The following NRXN1 variants were observed in gnomAD, a reference collection of about 807,000 sequenced individuals.
NRXN1 encodes the protein neurexin 1.
Under a neutral mutation model 150.9 loss-of-function variants are expected in NRXN1, and 39 were observed. The ratio of observed to expected loss-of-function variants is 0.26; its 90% CI spans 0.20 to 0.34. The LOEUF is 0.34. Ranked by LOEUF, NRXN1 falls within the 10% of genes least tolerant of loss-of-function variation. NRXN1 has a pLI of 1.00. For missense variants in NRXN1, 1,815 were observed against 1,949.9 expected (o/e 0.93, Z 1.30); for synonymous variants, 924 against 757.0 (o/e 1.22, Z -3.62).
At chr2:50,507,515 T>C (rs1320499726) in intron 12 of NRXN1, among the ~76,000 whole-genome samples, 1 of 151,646 alleles carries the variant, frequency 6.6e-6, no homozygotes. Flanking sequence ...AAGTAACTGC[T>C]AGTGAATCTA....
intron 19 of NRXN1, among the ~76,000 whole-genome samples, chr2:50,077,040 C>T (rs1320558021): frequency 2.6e-5 from 4 of 152,108 alleles, no homozygotes; most frequent in East Asian, 1.9e-4. Context: ...ATGGTGTTGG[C>T]AAGTAAATGA....
intron 12 of NRXN1, among the ~76,000 whole-genome samples, chr2:50,511,685 A>G (rs2092457700): frequency 6.6e-6 from 1 of 152,146 alleles, no homozygotes; most frequent in Non-Finnish European, 1.5e-5. Context: ...AACTCCTAAG[A>G]AGGGCTGGAG....
intron 17 of NRXN1, among the ~76,000 whole-genome samples, chr2:50,461,183 C>G (rs1558771182): frequency 2.6e-5 from 4 of 151,928 alleles, no homozygotes; most frequent in Admixed American, 2.6e-4. Flanking sequence ...ATCCTCATTT[C>G]AGCGAATGTT....
intron 19 of NRXN1, among the ~76,000 whole-genome samples, chr2:50,063,104 A>C (rs1573685862): frequency 6.6e-6 from 1 of 152,306 alleles, no homozygotes; most frequent in East Asian, 1.9e-4. Context: ...GCAAAGTAAT[A>C]GTTTTGTAAA....
chr2:50,395,413 A>C (rs986768566), intron 17 of NRXN1, among the ~76,000 whole-genome samples: 6 of 151,572 alleles, frequency 4.0e-5, no homozygotes, highest in Admixed American at 3.9e-4. Context: ...AGACATTATA[A>C]AAAAGAATTT....
intron 21 of NRXN1, among the ~76,000 whole-genome samples, chr2:50,018,508 G>A (rs1687004819): frequency 1.3e-5 from 2 of 152,106 alleles, no homozygotes; most frequent in Non-Finnish European, 2.9e-5. Flanking sequence ...TGTGACTTCA[G>A]CATTTCATTA....
At chr2:50,662,932 G>A (rs1010397265) in intron 5 of NRXN1, among the ~76,000 whole-genome samples, 1 of 151,960 alleles carries the variant, frequency 6.6e-6, no homozygotes, top group Non-Finnish European at 1.5e-5. Flanking sequence ...TCTACCCCCA[G>A]TGATTCTCAT....
intron 17 of NRXN1, among the ~76,000 whole-genome samples, chr2:50,454,262 G>A (rs1221518178): frequency 2.0e-5 from 3 of 152,152 alleles, no homozygotes; most frequent in Non-Finnish European, 2.9e-5. Flanking sequence ...GGAGGCAGAG[G>A]TTGTGGTGAG....
chr2:50,445,676 C>A (rs563363759), intron 17 of NRXN1, among the ~76,000 whole-genome samples: 28 of 152,230 alleles, frequency 1.8e-4, no homozygotes, highest in African/African-American at 6.7e-4. Flanking sequence ...GAAATAATTG[C>A]CACAATGTAG....
At chr2:50,034,428 T>C (rs1689688693) in intron 21 of NRXN1, among the ~76,000 whole-genome samples, 3 of 151,752 alleles carry the variant, frequency 2.0e-5, no homozygotes, top group Admixed American at 6.6e-5. Flanking sequence ...CACTTATAAG[T>C]GGGGGCTAAA....
chr2:50,240,390 A>T (rs1028769597), intron 17 of NRXN1, among the ~76,000 whole-genome samples: 4 of 151,770 alleles, frequency 2.6e-5, no homozygotes, highest in African/African-American at 9.7e-5. Context: ...GTCCTTCCTC[A>T]GCTCTCTTCT....
Position 50,552,570 on chromosome 2 carries a change from A to T in NRXN1, c.1759+17T>A, listed in dbSNP as rs761579317. The T allele has an allele frequency of 1.3e-6, 2 of 1,595,658 alleles. No individual in the cohort carries two copies. Among genetic ancestry groups the T allele is most frequent in the South Asian group, 1.1e-5 (1 of 90,392 alleles). The stretch of plus-strand genomic sequence containing the variant: ...GTGCTCCAGCAGATAAACAGCATAG[A>T]AAAATGATAAGATTACCTGACCGTC... On this transcript the variant is annotated intron_variant, in intron 9 of 22. Transcript: ENST00000401669.
intron 5 of NRXN1, among the ~76,000 whole-genome samples, chr2:50,820,673 T>C (rs766670078): frequency 1.1e-4 from 16 of 152,134 alleles, no homozygotes; most frequent in Non-Finnish European, 1.6e-4. Flanking sequence ...CAGCAGTACC[T>C]AAAGTTTCCC....
At chr2:50,675,691 T>C (rs1689451265) in intron 5 of NRXN1, among the ~76,000 whole-genome samples, 1 of 152,174 alleles carries the variant, frequency 6.6e-6, no homozygotes, top group Non-Finnish European at 1.5e-5. Context: ...TCCAGTTTAC[T>C]GTTAACATGG....
At chr2:50,469,528 A>G (rs1005205835) in intron 16 of NRXN1, among the ~76,000 whole-genome samples, 1 of 151,444 alleles carries the variant, frequency 6.6e-6, no homozygotes, top group Non-Finnish European at 1.5e-5. Context: ...TGTGGTTTGG[A>G]CTCAAATTCC....
At chr2:50,612,530 T>C (rs1678350536) in intron 8 of NRXN1, among the ~76,000 whole-genome samples, 1 of 152,236 alleles carries the variant, frequency 6.6e-6, no homozygotes, top group African/African-American at 2.4e-5. Context: ...GGTAACTCAC[T>C]GGATGTTGTT....
At chr2:50,799,461 C>T (rs185410828) in intron 5 of NRXN1, among the ~76,000 whole-genome samples, 1 of 152,226 alleles carries the variant, frequency 6.6e-6, no homozygotes, top group Admixed American at 6.5e-5. Context: ...CTGAGGTGGG[C>T]TGGGGGATGT....
chr2:50,993,253 T>C (rs1204463979), intron 2 of NRXN1, among the ~76,000 whole-genome samples: 2 of 151,992 alleles, frequency 1.3e-5, no homozygotes, highest in Non-Finnish European at 2.9e-5. Context: ...TCTAAGTCTT[T>C]CATTTTACAA....
intron 17 of NRXN1, among the ~76,000 whole-genome samples, chr2:50,250,603 G>A (rs1419799055): frequency 6.6e-6 from 1 of 151,994 alleles, no homozygotes; most frequent in Non-Finnish European, 1.5e-5. Flanking sequence ...TAGTATCTTA[G>A]TTTATTAAAA....
Sources: allele counts gnomAD v4.1 joint callset (sites outside exome capture counted in the v4.1 genomes callset), GRCh38; gene constraint gnomAD v4.1.1; transcripts MANE v1.5; gene names NCBI Gene and HGNC (gene_info 2026-07-23, HGNC 2026-07-21).